The following GRID2 variants were observed in gnomAD, a reference collection of about 807,000 sequenced individuals.
GRID2 encodes the protein glutamate receptor ionotropic, delta-2.
A neutral mutation model predicts 114.8 loss-of-function variants in GRID2; 33 were observed. That is an observed-to-expected ratio of 0.29 (90% CI 0.22 to 0.38). The LOEUF (loss-of-function observed/expected upper bound fraction) is 0.38, where lower values mean the gene tolerates loss of function less well. Ranked by LOEUF, GRID2 falls within the 10% of genes least tolerant of loss-of-function variation. The probability of loss-of-function intolerance (pLI) is 1.00; values close to 1 mark genes in which losing one functional copy is unlikely to be tolerated. For missense variants in GRID2, 1,184 were observed against 1,257.7 expected, an observed-to-expected ratio of 0.94 and a Z score of 0.89; for synonymous variants, 505 against 449.9, an observed-to-expected ratio of 1.12 and a Z score of -1.55.
In GRID2 at chr4:93,286,692, G is replaced by GTGTGT. The variant is rs1561086976; in HGVS notation, c.1245+48202_1245+48203insTGTGT. 1.7e-3 allele frequency among the ~76,000 whole-genome samples: 246 copies of GTGTGT among 141,448 alleles called. 1 individual carries two copies. Among genetic ancestry groups the GTGTGT allele is most frequent in the African/African-American group, 7.1e-3 (236 of 33,276 alleles). The allele number at this position is 141,448 out of a possible 152,430, so 92.8% of individuals were successfully genotyped here. A position where few individuals can be genotyped will look rare whatever the true frequency, so the allele number is the denominator to read the frequency against. ...GCTTTTGTGTATGTGTGTGTGTGTG[G>GTGTGT]GGGTGTGTGTGTGTGTGTGTGTGTG... On this transcript the variant is annotated intron_variant, in intron 8 of 15. Transcript: ENST00000282020.
intron 14 of GRID2, among the ~76,000 whole-genome samples, chr4:93,765,992 C>A (rs115351371): frequency 6.6e-6 from 1 of 151,854 alleles, no homozygotes; most frequent in Non-Finnish European, 1.5e-5. Flanking sequence ...CAGCATCAAT[C>A]GTAAGAAAAA....
chr4:93,231,008 T>C (rs930877151), intron 7 of GRID2, among the ~76,000 whole-genome samples: 1 of 152,086 alleles, frequency 6.6e-6, no homozygotes, highest in African/African-American at 2.4e-5. Flanking sequence ...ATAAATATAA[T>C]CAATAAATTT....
At chr4:92,406,499 T>C (rs1731033157) in intron 1 of GRID2, among the ~76,000 whole-genome samples, 1 of 152,132 alleles carries the variant, frequency 6.6e-6, no homozygotes, top group Admixed American at 6.6e-5. Context: ...ATGGGGACAT[T>C]GTGTCTCTGG....
intron 13 of GRID2, among the ~76,000 whole-genome samples, chr4:93,562,790 A>G (rs1301755509): frequency 6.6e-6 from 1 of 152,014 alleles, no homozygotes; most frequent in African/African-American, 2.4e-5. Flanking sequence ...TGAAAAGACT[A>G]TCTTTTCTCT....
intron 7 of GRID2, among the ~76,000 whole-genome samples, chr4:93,225,122 AG>A (rs1330883265): frequency 6.6e-6 from 1 of 152,240 alleles, no homozygotes; most frequent in African/African-American, 2.4e-5. Flanking sequence ...AAAAATTAAC[AG>A]TAGACTTAAT....
At chr4:92,900,621 G>A (rs981843076) in intron 2 of GRID2, among the ~76,000 whole-genome samples, 7 of 152,136 alleles carry the variant, frequency 4.6e-5, no homozygotes, top group African/African-American at 1.7e-4. Flanking sequence ...ATGAGGTCAG[G>A]AGATCGAGAC....
chr4:93,182,234 G>A (rs1712442458), intron 4 of GRID2, among the ~76,000 whole-genome samples: 1 of 151,968 alleles, frequency 6.6e-6, no homozygotes, highest in African/African-American at 2.4e-5. Context: ...CTCTTAAATT[G>A]TCAAAATCTA....
chr4:92,951,496 A>C (rs1752035469), intron 2 of GRID2, among the ~76,000 whole-genome samples: 1 of 151,934 alleles, frequency 6.6e-6, no homozygotes, highest in Non-Finnish European at 1.5e-5. Flanking sequence ...ACACTCCACC[A>C]CAACTGGCTA....
At chr4:92,646,312 G>C (rs1731620317) in intron 2 of GRID2, among the ~76,000 whole-genome samples, 1 of 152,176 alleles carries the variant, frequency 6.6e-6, no homozygotes, top group Admixed American at 6.6e-5. Context: ...GTAATAATTT[G>C]TGGGTATTTT....
At chr4:92,451,157 G>GAGAC (rs1406855962) in intron 1 of GRID2, among the ~76,000 whole-genome samples, 1 of 152,064 alleles carries the variant, frequency 6.6e-6, no homozygotes, top group Non-Finnish European at 1.5e-5. Flanking sequence ...TTGAACTGAA[G>GAGAC]AGACTAGCCT....
intron 1 of GRID2, among the ~76,000 whole-genome samples, chr4:92,567,839 T>C (rs1006458536): frequency 6.6e-6 from 1 of 152,058 alleles, no homozygotes; most frequent in African/African-American, 2.4e-5. Context: ...TTACCTAATA[T>C]GCGATGAACA....
At chr4:93,742,758 C>T (rs980881252) in intron 14 of GRID2, among the ~76,000 whole-genome samples, 9 of 152,248 alleles carry the variant, frequency 5.9e-5, no homozygotes, top group South Asian at 4.1e-4. Context: ...GCCCCACTCA[C>T]GGACCATTCC....
intron 2 of GRID2, among the ~76,000 whole-genome samples, chr4:92,915,573 A>G (rs185060485): frequency 1.3e-5 from 2 of 152,284 alleles, no homozygotes; most frequent in East Asian, 1.9e-4. Context: ...ATATCAGGGT[A>G]GTACCCAGAA....
intron 2 of GRID2, among the ~76,000 whole-genome samples, chr4:92,691,929 G>A (rs963982425): frequency 1.3e-5 from 2 of 151,758 alleles, no homozygotes; most frequent in African/African-American, 4.9e-5. Context: ...GAATTTTATG[G>A]AAATACTGAT....
intron 1 of GRID2, among the ~76,000 whole-genome samples, chr4:92,405,483 T>C (rs1203382936): frequency 6.6e-6 from 1 of 152,134 alleles, no homozygotes; most frequent in African/African-American, 2.4e-5. Flanking sequence ...AAAAGTAATA[T>C]AAATTATAAA....
chr4:93,520,304 G>A (rs1269416405), intron 13 of GRID2, among the ~76,000 whole-genome samples: 2 of 152,038 alleles, frequency 1.3e-5, no homozygotes, highest in Non-Finnish European at 2.9e-5. Context: ...AAGCATAAAT[G>A]TGTGCTCTAA....
chr4:92,545,851 C>A (rs1216748093), intron 1 of GRID2, among the ~76,000 whole-genome samples: 2 of 152,174 alleles, frequency 1.3e-5, no homozygotes, highest in South Asian at 2.1e-4. Context: ...CCTTCAAGGA[C>A]TTCTCAGAGC....
At chr4:93,018,984 A>G (rs999464406) in intron 2 of GRID2, among the ~76,000 whole-genome samples, 12 of 152,180 alleles carry the variant, frequency 7.9e-5, no homozygotes, top group Admixed American at 6.6e-4. Context: ...ATGCATATTT[A>G]GTAGTATTTT....
At chr4:92,947,865 T>A (rs1046335061) in intron 2 of GRID2, among the ~76,000 whole-genome samples, 4 of 151,864 alleles carry the variant, frequency 2.6e-5, no homozygotes, top group African/African-American at 9.7e-5. Flanking sequence ...ATGTCCAGTG[T>A]GATAATAAAA....
Sources: allele counts gnomAD v4.1 joint callset (sites outside exome capture counted in the v4.1 genomes callset), GRCh38; gene constraint gnomAD v4.1.1; transcripts MANE v1.5; gene names NCBI Gene and HGNC (gene_info 2026-07-23, HGNC 2026-07-21).